CCNJL: variants seen among roughly 807,000 people sequenced by gnomAD.
CCNJL encodes cyclin-J-like protein.
In CCNJL, 33 loss-of-function variants were observed where a neutral mutation model predicts 33.4. The ratio of observed to expected loss-of-function variants is 0.99; its 90% confidence interval spans 0.75 to 1.32. The LOEUF is 1.32. Among genes scored for constraint, CCNJL ranks in the 40% most tolerant of loss-of-function variants. The probability of loss-of-function intolerance (pLI) is 0.00; values close to 1 mark genes in which losing one functional copy is unlikely to be tolerated. For missense variants in CCNJL, 512 were observed against 499.7 expected (o/e 1.02, Z -0.23); for synonymous variants, 227 against 220.9 (o/e 1.03, Z -0.24).
rs1273449058 is a variant in CCNJL at position 160,319,748 on chromosome 5, T to C, written n.207-4243A>G. The stretch of plus-strand genomic sequence containing the variant: ...TAGCTTAAGACGAGCCTAGGAAACA[T>C]AGTGAGACCGTTTCTACAATTTTTT... On this transcript the variant is annotated intron_variant and non_coding_transcript_variant, in intron 1 of 7. Coordinates refer to the CCNJL transcript ENST00000377503. Among the ~76,000 whole-genome samples the C allele has an allele frequency of 2.0e-5, 3 of 152,156 alleles. No homozygotes were observed. In the East Asian group the frequency reaches 5.8e-4, roughly 29 times the overall value.
chr5:160,258,372 G>T (rs1580945297), intron 4 of CCNJL: 1 of 776,324 alleles, frequency 1.3e-6, no homozygotes, highest in Non-Finnish European at 2.3e-6. Context: ...CAATATATGA[G>T]AATGAAGATG....
chr5:160,283,513 T>C (rs1762309728), intron 2 of CCNJL, among the ~76,000 whole-genome samples: 1 of 152,222 alleles, frequency 6.6e-6, no homozygotes, highest in African/African-American at 2.4e-5. Context: ...ATAGTAGGTA[T>C]ATAGATTTGT....
chr5:160,258,980 G>A lies in CCNJL; in HGVS notation c.583+489C>T, dbSNP rs141785955. On this transcript the variant is annotated intron_variant, in intron 4 of 5. Coordinates refer to ENST00000257536, the MANE Select transcript of CCNJL (RefSeq NM_001308173.3). Reference sequence around the variant, plus strand: ...ATTACAGGTGTGAGCTACCGCGCCCGCCCCTATCAGCAGTATTTTTGACCC... The same window carrying A: ...ATTACAGGTGTGAGCTACCGCGCCCACCCCTATCAGCAGTATTTTTGACCC... 3.9e-3 allele frequency among the ~76,000 whole-genome samples: 591 copies of A among 152,230 alleles called. 3 individuals carry two copies. Among genetic ancestry groups the A allele is most frequent in the Admixed American group, 6.1e-3 (94 of 15,286 alleles).
intron 2 of CCNJL, among the ~76,000 whole-genome samples, chr5:160,284,792 A>C (rs1762352032): frequency 6.6e-6 from 1 of 152,264 alleles, no homozygotes; most frequent in African/African-American, 2.4e-5. Flanking sequence ...ATTGAGTTTC[A>C]AAAAGTCCCT....
At chr5:160,256,885 T>G (rs1334998614) in intron 4 of CCNJL, among the ~76,000 whole-genome samples, 6 of 151,404 alleles carry the variant, frequency 4.0e-5, no homozygotes, top group African/African-American at 1.5e-4. Context: ...GCCATTGCAC[T>G]CCAGCCTGGG....
intron 1 of CCNJL, among the ~76,000 whole-genome samples, chr5:160,321,080 T>TTCCTTCTC (rs1763456474): frequency 1.0e-5 from 1 of 97,888 alleles, no homozygotes; most frequent in Non-Finnish European, 2.1e-5. Context: ...CTTTCTTTCT[T>TTCCTTCTC]TCTTTCTTTC....
In CCNJL at chr5:160,311,846, G is replaced by A; in HGVS notation, c.66+12C>T. 1.2e-6 allele frequency: 2 copies of A among 1,611,528 alleles called. No homozygotes were observed. Among genetic ancestry groups the A allele is most frequent in the Non-Finnish European group, 1.7e-6 (2 of 1,177,580 alleles). ...CCAGTCTTGAGAGTGACAAGGGCAG[G>A]GAGGGACTGACCTTCTCGCGCAGGG... On this transcript the variant is annotated intron_variant, in intron 2 of 5. Coordinates refer to ENST00000257536, the MANE Select transcript of CCNJL (RefSeq NM_001308173.3).
intron 2 of CCNJL, among the ~76,000 whole-genome samples, chr5:160,282,093 G>A (rs936270337): frequency 2.6e-5 from 4 of 152,178 alleles, no homozygotes; most frequent in African/African-American, 7.2e-5. Flanking sequence ...GGCTCACAAC[G>A]GGATGAGATC....
At chr5:160,324,982 G>A (rs1270992245) in intron 1 of CCNJL, among the ~76,000 whole-genome samples, 4 of 152,194 alleles carry the variant, frequency 2.6e-5, no homozygotes, top group African/African-American at 9.7e-5. Flanking sequence ...TACTTGGTGT[G>A]TGTGCTCATG....
chr5:160,296,619 C>T (rs115619145), intron 2 of CCNJL, among the ~76,000 whole-genome samples: 2,296 of 152,274 alleles, frequency 0.015, 32 homozygotes, highest in Non-Finnish European at 0.023. Flanking sequence ...TCCATGGGTT[C>T]TCAGGATAAG....
At chr5:160,304,512 T>A (rs35247926) in intron 2 of CCNJL, among the ~76,000 whole-genome samples, 1 of 151,952 alleles carries the variant, frequency 6.6e-6, no homozygotes, top group South Asian at 2.1e-4. Flanking sequence ...CAGGTCTCAC[T>A]TGAAGACTGC....
chr5:160,279,903 C>T (rs139592734), intron 3 of CCNJL, among the ~76,000 whole-genome samples: 3 of 152,280 alleles, frequency 2.0e-5, no homozygotes, highest in Non-Finnish European at 2.9e-5. Flanking sequence ...CGAGTAGCAG[C>T]GAATTAACAC....
At chr5:160,289,260 C>T (rs541999997) in intron 2 of CCNJL, among the ~76,000 whole-genome samples, 22 of 152,260 alleles carry the variant, frequency 1.4e-4, no homozygotes, top group Non-Finnish European at 2.8e-4. Flanking sequence ...CCATGAGGGA[C>T]GGAGCTGCTT....
chr5:160,309,591 T>C (rs1409538438), intron 2 of CCNJL, among the ~76,000 whole-genome samples: 1 of 152,198 alleles, frequency 6.6e-6, no homozygotes, highest in Non-Finnish European at 1.5e-5. Context: ...AAAAACAAAA[T>C]GCCAGCCCTC....
rs370674819 is a variant in CCNJL at position 160,253,666 on chromosome 5, C to G, written c.876G>C (p.Ala292=). 1 of 1,608,486 alleles carries G rather than the reference C, an allele frequency of 6.2e-7. No homozygotes were observed. The highest frequency in any genetic ancestry group is 8.5e-7 in the Non-Finnish European group (1 of 1,176,300). ...GGGTCTGGAACTGTGCCAGGGTGGT[C>G]GCTGGCTGGCCGAGGGCCGGGTAGG... ...PPAYPALGQP[A]TTLAQFQTPV... The change falls in exon 6 of 6, where the codon GCG becomes GCC. Residue 292 remains alanine, a synonymous_variant. Coordinates refer to ENST00000257536, the MANE Select transcript of CCNJL (RefSeq NM_001308173.3).
At chr5:160,273,992 C>T (rs114253211) in intron 3 of CCNJL, among the ~76,000 whole-genome samples, 3,373 of 152,050 alleles carry the variant, frequency 0.022, 121 homozygotes, top group African/African-American at 0.076. Flanking sequence ...AAGAACAGAA[C>T]CCGTAATGAG....
chr5:160,328,032 CT>C (rs1763561364), intron 1 of CCNJL, among the ~76,000 whole-genome samples: 1 of 152,158 alleles, frequency 6.6e-6, no homozygotes, highest in Admixed American at 6.5e-5. Flanking sequence ...CATGCCCCGG[CT>C]AGAGGATGAA....
At chr5:160,256,815 G>A (rs1761083336) in intron 4 of CCNJL, among the ~76,000 whole-genome samples, 1 of 152,048 alleles carries the variant, frequency 6.6e-6, no homozygotes, top group Non-Finnish European at 1.5e-5. Context: ...CTACTTGGGA[G>A]GCTGAGGCAG....
intron 1 of CCNJL, among the ~76,000 whole-genome samples, chr5:160,337,020 T>TC (rs1763691508): frequency 6.8e-6 from 1 of 147,678 alleles, no homozygotes; most frequent in Non-Finnish European, 1.5e-5. Flanking sequence ...TTTTTTTTTT[T>TC]TTTGACAGGG....
Sources: gnomAD v4.1 joint callset for allele counts (sites outside exome capture counted in the v4.1 genomes callset) on GRCh38, gnomAD v4.1.1 for gene constraint, MANE v1.5 for transcripts, NCBI Gene and HGNC (gene_info 2026-07-23, HGNC 2026-07-21) for gene names.